The following NIPSNAP2 variants were observed in gnomAD, a reference collection of about 807,000 sequenced individuals.
The protein encoded by NIPSNAP2 is protein NipSnap homolog 2.
NIPSNAP2 carries 42 observed loss-of-function variants against 48.4 expected under a neutral mutation model. The ratio of observed to expected loss-of-function variants is 0.87; its 90% confidence interval spans 0.68 to 1.12. The LOEUF (loss-of-function observed/expected upper bound fraction) is 1.12. Among genes scored for constraint, NIPSNAP2 ranks in the 50% most tolerant of loss-of-function variants. NIPSNAP2 has a pLI of 0.00. For synonymous variants in NIPSNAP2, 158 were observed against 126.6 expected, an observed-to-expected ratio of 1.25 and a Z score of -1.67; for missense variants, 314 against 347.3, an observed-to-expected ratio of 0.90 and a Z score of 0.76.
At chr7:55,989,590 A>G (rs1319910745) in intron 7 of NIPSNAP2, among the ~76,000 whole-genome samples, 1 of 151,828 alleles carries the variant, frequency 6.6e-6, no homozygotes, top group Non-Finnish European at 1.5e-5. Context: ...ATGCCATTCC[A>G]CTCCAGCCTG....
At chr7:55,966,637 C>T (rs892755563) in intron 1 of NIPSNAP2, among the ~76,000 whole-genome samples, 1 of 152,076 alleles carries the variant, frequency 6.6e-6, no homozygotes, top group Non-Finnish European at 1.5e-5. Context: ...CAAAAATTAG[C>T]CCGGCATGGT....
At chr7:55,968,406 G>C (rs1193761683) in intron 1 of NIPSNAP2, among the ~76,000 whole-genome samples, 1 of 145,102 alleles carries the variant, frequency 6.9e-6, no homozygotes. Flanking sequence ...TTTTTCCTGA[G>C]ACAGAGTCTC....
At chr7:55,966,809 G>C (rs528227901) in intron 1 of NIPSNAP2, among the ~76,000 whole-genome samples, 6 of 152,106 alleles carry the variant, frequency 3.9e-5, no homozygotes, top group South Asian at 4.2e-4. Context: ...AAAAATATAG[G>C]AATGTGTGAG....
At chr7:55,996,068 A>G (rs974180912) in intron 8 of NIPSNAP2, among the ~76,000 whole-genome samples, 4 of 152,206 alleles carry the variant, frequency 2.6e-5, no homozygotes, top group African/African-American at 9.6e-5. Context: ...CAGGTGGATC[A>G]TCTGAGGTCA....
At chr7:55,971,220 T>C (rs1241706254) in intron 1 of NIPSNAP2, among the ~76,000 whole-genome samples, 1 of 152,126 alleles carries the variant, frequency 6.6e-6, no homozygotes, top group Non-Finnish European at 1.5e-5. Context: ...GTTGGGCATG[T>C]TAGGCAGCTT....
At chr7:55,971,725 A>G (rs1787018854) in intron 1 of NIPSNAP2, among the ~76,000 whole-genome samples, 1 of 151,988 alleles carries the variant, frequency 6.6e-6, no homozygotes, top group Non-Finnish European at 1.5e-5. Flanking sequence ...AGTTGGGGTG[A>G]TTTTTATTTC....
intron 6 of NIPSNAP2, among the ~76,000 whole-genome samples, chr7:55,984,326 C>G (rs1405631703): frequency 6.6e-6 from 1 of 152,186 alleles, no homozygotes; most frequent in Non-Finnish European, 1.5e-5. Flanking sequence ...CCTGTAATCC[C>G]AGCACTTTGG....
At chr7:55,991,438 G>A (rs1355953539) in intron 7 of NIPSNAP2, among the ~76,000 whole-genome samples, 1 of 151,926 alleles carries the variant, frequency 6.6e-6, no homozygotes, top group Non-Finnish European at 1.5e-5. Context: ...ACATACTGGG[G>A]TTATTCAGTT....
Position 55,964,710 on chromosome 7 carries a change from C to T in NIPSNAP2, c.92+9C>T. The T allele has an allele frequency of 8.9e-7, 1 of 1,118,556 alleles. No individual in the cohort carries two copies. 69.3% of individuals were successfully genotyped at this position (1,118,556 alleles called of 1,614,324 possible). On this transcript the variant is annotated intron_variant, in intron 1 of 9. Coordinates refer to ENST00000322090, the MANE Select transcript of NIPSNAP2 (RefSeq NM_001483.3). ...CTCCTGCCCAGGCTCCGGTGAGCAG[C>T]GCCGCCCTTCCCGGGAGGTGCCGGG...
chr7:55,990,255 G>A (rs1787416206), intron 7 of NIPSNAP2, among the ~76,000 whole-genome samples: 1 of 142,488 alleles, frequency 7.0e-6, no homozygotes, highest in Non-Finnish European at 1.5e-5. Context: ...TTGAGACGGA[G>A]TCTTGCTCTG....
intron 1 of NIPSNAP2, among the ~76,000 whole-genome samples, chr7:55,970,850 T>G (rs1370583058): frequency 2.0e-5 from 3 of 152,010 alleles, no homozygotes; most frequent in African/African-American, 7.2e-5. Context: ...AGAGCCAGAG[T>G]GCCCCTACTG....
chr7:55,995,023 T>A, intron 8 of NIPSNAP2, 35 bp downstream of exon 8: 1 of 1,537,402 alleles, frequency 6.5e-7, no homozygotes, highest in Non-Finnish European at 9.0e-7. Flanking sequence ...TACTGGGATT[T>A]AAGAGTTCAT....
At chr7:55,998,493 G>GTTTTTTTTTTTTTTTTTTTT (rs1164855630) in intron 9 of NIPSNAP2, among the ~76,000 whole-genome samples, 2 of 63,188 alleles carry the variant, frequency 3.2e-5, no homozygotes, top group African/African-American at 1.1e-4. Context: ...GGTAGGATCT[G>GTTTTTTTTTTTTTTTTTTTT]TTTTTTTTTT....
chr7:55,991,971 A>T (rs1787459577), intron 7 of NIPSNAP2: 1 of 165,138 alleles, frequency 6.1e-6, no homozygotes. Context: ...ACTATCAATG[A>T]AAGCCAGGTT....
At chr7:55,966,458 A>G (rs906834190) in intron 1 of NIPSNAP2, among the ~76,000 whole-genome samples, 1 of 152,110 alleles carries the variant, frequency 6.6e-6, no homozygotes, top group African/African-American at 2.4e-5. Flanking sequence ...AAATAAGTAC[A>G]TAAATAAAAA....
chr7:55,979,484 C>A, intron 3 of NIPSNAP2: 1 of 250,934 alleles, frequency 4.0e-6, no homozygotes, highest in Non-Finnish European at 8.0e-6. Context: ...TTACTCAGCC[C>A]GTTCCTTAGT....
chr7:55,998,641 C>G (rs1787619158), intron 9 of NIPSNAP2, among the ~76,000 whole-genome samples: 1 of 151,700 alleles, frequency 6.6e-6, no homozygotes, highest in Non-Finnish European at 1.5e-5. Flanking sequence ...GCTGGGATTA[C>G]AGGCAGGCGC....
chr7:55,999,083 T>C lies in NIPSNAP2; in HGVS notation c.*11T>C, dbSNP rs1288765686. ...TCGCCCCTCCAGTAAAGCTGTAGAG[T>C]TTCTATGTGCCTACATACATTTCTG... On this transcript the variant is annotated 3_prime_UTR_variant, in exon 10 of 10. Transcript: ENST00000322090. The C allele has an allele frequency of 4.4e-6, 7 of 1,599,022 alleles. No homozygotes were observed. The highest frequency in any genetic ancestry group is 6.0e-6 in the Non-Finnish European group (7 of 1,167,020).
At chr7:55,969,705 C>T (rs1282419664) in intron 1 of NIPSNAP2, among the ~76,000 whole-genome samples, 4 of 152,102 alleles carry the variant, frequency 2.6e-5, no homozygotes, top group African/African-American at 7.2e-5. Context: ...ATCATATTGC[C>T]GGGCGCGGTG....
Sources: allele counts gnomAD v4.1 joint callset (sites outside exome capture counted in the v4.1 genomes callset), GRCh38; gene constraint gnomAD v4.1.1; transcripts MANE v1.5; gene names NCBI Gene and HGNC (gene_info 2026-07-23, HGNC 2026-07-21).